SCAPER: variants seen among roughly 807,000 people sequenced by gnomAD.
SCAPER encodes the protein S-phase cyclin A associated protein in the ER, also known as S phase cyclin A-associated protein in the endoplasmic reticulum.
Under a neutral mutation model 182.2 loss-of-function variants are expected in SCAPER, and 98 were observed. The observed-to-expected ratio is 0.54, with a 90% confidence interval of 0.46 to 0.64. The LOEUF is 0.64. Ranked by LOEUF, SCAPER falls within the 30% of genes least tolerant of loss-of-function variation. The pLI is 0.00. For synonymous variants in SCAPER, 605 were observed against 564.6 expected (o/e 1.07, Z -1.01); for missense variants, 1,432 against 1,690.0 (o/e 0.85, Z 2.68).
chr15:76,598,389 G>A lies in SCAPER; in HGVS notation c.2711+23375C>T, dbSNP rs1406960127. Among the ~76,000 whole-genome samples the A allele has an allele frequency of 1.6e-5, 2 of 121,492 alleles. 1 individual carries two copies. Among genetic ancestry groups the A allele is most frequent in the Non-Finnish European group, 4.0e-5 (2 of 50,074 alleles). The allele number at this position is 121,492 out of a possible 152,430, so 79.7% of individuals were successfully genotyped here. A position where few individuals can be genotyped will look rare whatever the true frequency, so the allele number is the denominator to read the frequency against. On this transcript the variant is annotated intron_variant, in intron 22 of 31. Coordinates refer to ENST00000563290, the MANE Select transcript of SCAPER (RefSeq NM_020843.4). ...TAGTTCAACCATTGTGGAAGACAGT[G>A]TGGCAATTTCTCAAAGATGTAGAAC...
At chr15:76,504,760 A>G in intron 24 of SCAPER, 99 bp downstream of exon 24, 1 of 951,098 alleles carries the variant, frequency 1.1e-6, no homozygotes, top group Non-Finnish European at 1.5e-6. Context: ...TCAACCCTGA[A>G]TACACATACA....
chr15:76,722,730 A>G (rs2060329874), intron 17 of SCAPER, among the ~76,000 whole-genome samples: 1 of 152,144 alleles, frequency 6.6e-6, no homozygotes. Flanking sequence ...TGTTTATAGT[A>G]TTCTCTGATG....
chr15:76,498,993 C>T (rs2040861848), intron 24 of SCAPER, among the ~76,000 whole-genome samples: 1 of 152,034 alleles, frequency 6.6e-6, no homozygotes, highest in African/African-American at 2.4e-5. Flanking sequence ...CTGGGCATAC[C>T]TTACAAAAAA....
At position 76,701,881 on chromosome 15, in the gene SCAPER, C is replaced by T; in HGVS notation, c.2401-16G>A. 6.4e-7 allele frequency: 1 copy of T among 1,562,106 alleles called. No individual in the cohort carries two copies. Among genetic ancestry groups the T allele is most frequent in the Non-Finnish European group, 8.8e-7 (1 of 1,133,090 alleles). On this transcript the variant is annotated splice_polypyrimidine_tract_variant and intron_variant, in intron 19 of 31. Coordinates refer to ENST00000563290, the MANE Select transcript of SCAPER (RefSeq NM_020843.4). ...CTGAAGAGATCTGAAAGCACAAAAT[C>T]AAAGCAATGTAATCAATATAACATT...
At position 76,774,839 on chromosome 15, in the gene SCAPER, T is replaced by G. The variant is rs781502892; in HGVS notation, c.1035+16A>C. 6.3e-7 allele frequency: 1 copy of G among 1,596,330 alleles called. No homozygotes were observed. The highest frequency in any genetic ancestry group is 1.3e-5 in the African/African-American group (1 of 74,318). ...CCTTTGAAAAAGACAGTAAAAGGAT[T>G]TTCAGAATGTACTACCTGGGTTTTT... On this transcript the variant is annotated intron_variant, in intron 9 of 31. Transcript: ENST00000563290.
At chr15:76,609,884 T>C (rs943798932) in intron 22 of SCAPER, among the ~76,000 whole-genome samples, 5 of 152,202 alleles carry the variant, frequency 3.3e-5, no homozygotes, top group East Asian at 3.9e-4. Flanking sequence ...TTCTTTTTTT[T>C]TCCCCCTTAT....
intron 22 of SCAPER, among the ~76,000 whole-genome samples, chr15:76,603,103 T>C (rs1173111811): frequency 8.5e-6 from 1 of 117,982 alleles, no homozygotes; most frequent in Non-Finnish European, 2.0e-5. Context: ...GTTACATATG[T>C]ATACATGTGC....
At chr15:76,434,804 C>T (rs1235854686) in intron 25 of SCAPER, among the ~76,000 whole-genome samples, 1 of 152,112 alleles carries the variant, frequency 6.6e-6, no homozygotes, top group Non-Finnish European at 1.5e-5. Context: ...TTCCCTAGTA[C>T]ATAATGCCAC....
At chr15:76,530,449 C>G (rs531201149) in intron 23 of SCAPER, among the ~76,000 whole-genome samples, 1 of 152,142 alleles carries the variant, frequency 6.6e-6, no homozygotes, top group Non-Finnish European at 1.5e-5. Context: ...CTGAACCTTT[C>G]AAGCCTAAAT....
intron 21 of SCAPER, among the ~76,000 whole-genome samples, chr15:76,652,297 TATATATATATATAC>T (rs1567706323): frequency 7.0e-5 from 2 of 28,476 alleles, no homozygotes; most frequent in African/African-American, 3.6e-4. Context: ...TATATATATA[TATATATATATATAC>T]ACACACACAC....
chr15:76,541,248 T>G (rs1952538688), intron 23 of SCAPER, among the ~76,000 whole-genome samples: 1 of 152,058 alleles, frequency 6.6e-6, no homozygotes, highest in African/African-American at 2.4e-5. Flanking sequence ...AATATACACA[T>G]ATACCTTTGA....
chr15:76,433,651 C>T (rs2047007950), intron 26 of SCAPER, among the ~76,000 whole-genome samples: 1 of 152,150 alleles, frequency 6.6e-6, no homozygotes, highest in South Asian at 2.1e-4. Flanking sequence ...TTATGTATCA[C>T]TAATTGTCTA....
At chr15:76,857,028 T>C (rs979764322) in intron 4 of SCAPER, among the ~76,000 whole-genome samples, 1 of 152,134 alleles carries the variant, frequency 6.6e-6, no homozygotes, top group Non-Finnish European at 1.5e-5. Context: ...AGTCCAAATA[T>C]CTTTACCATC....
At chr15:76,858,835 T>G (rs1240693647) in intron 3 of SCAPER, among the ~76,000 whole-genome samples, 2 of 152,192 alleles carry the variant, frequency 1.3e-5, no homozygotes, top group African/African-American at 4.8e-5. Context: ...TAGTCCATGG[T>G]GTATATATGT....
chr15:76,555,739 C>G (rs1161541568), intron 23 of SCAPER, among the ~76,000 whole-genome samples: 1 of 152,142 alleles, frequency 6.6e-6, no homozygotes, highest in African/African-American at 2.4e-5. Flanking sequence ...ATTCATGAAA[C>G]AAGTTCTTAG....
chr15:76,460,955 A>T (rs1057177685), intron 25 of SCAPER, among the ~76,000 whole-genome samples: 1 of 152,300 alleles, frequency 6.6e-6, no homozygotes, highest in Admixed American at 6.5e-5. Flanking sequence ...TACAGACCTT[A>T]TAAGAGTTTT....
intron 3 of SCAPER, 84 bp from the exon 4 acceptor site, chr15:76,857,963 A>AGC (rs2071547723): frequency 9.6e-6 from 9 of 942,354 alleles, no homozygotes; most frequent in Admixed American, 4.6e-5. Context: ...TAGATAATGT[A>AGC]AACCTAAACT....
chr15:76,722,037 C>T (rs955113996), intron 17 of SCAPER, among the ~76,000 whole-genome samples: 2 of 152,142 alleles, frequency 1.3e-5, no homozygotes, highest in Admixed American at 1.3e-4. Context: ...GGTTTTTGTC[C>T]ATTCACTATG....
At chr15:76,709,890 T>C (rs1567873301) in intron 17 of SCAPER, among the ~76,000 whole-genome samples, 2 of 152,198 alleles carry the variant, frequency 1.3e-5, no homozygotes, top group East Asian at 3.9e-4. Flanking sequence ...TAACATACCA[T>C]ATTAATAAAG....
Sources: gnomAD v4.1 joint callset for allele counts (sites outside exome capture counted in the v4.1 genomes callset) on GRCh38, gnomAD v4.1.1 for gene constraint, MANE v1.5 for transcripts, NCBI Gene and HGNC (gene_info 2026-07-23, HGNC 2026-07-21) for gene names.